ANKS1B: variants seen among roughly 807,000 people sequenced by gnomAD.
ANKS1B encodes ankyrin repeat and sterile alpha motif domain-containing protein 1B.
A neutral mutation model predicts 148.3 loss-of-function variants in ANKS1B; 36 were observed. That is an observed-to-expected ratio of 0.24 (90% CI 0.19 to 0.32). The LOEUF is 0.32. Among genes scored for constraint, ANKS1B ranks in the 10% least tolerant of loss-of-function variants. The probability of loss-of-function intolerance (pLI) is 1.00; values close to 1 mark genes in which losing one functional copy is unlikely to be tolerated. For synonymous variants in ANKS1B, 542 were observed against 560.8 expected (o/e 0.97, Z 0.47); for missense variants, 1,157 against 1,542.6 (o/e 0.75, Z 4.19).
At chr12:99,967,895 G>A (rs1603536372) in intron 1 of ANKS1B, among the ~76,000 whole-genome samples, 3 of 130,008 alleles carry the variant, frequency 2.3e-5, no homozygotes, top group East Asian at 2.2e-4. Flanking sequence ...CGACAAGGGC[G>A]AAACTCCGTC....
intron 1 of ANKS1B, among the ~76,000 whole-genome samples, chr12:99,955,680 C>G (rs1049471447): frequency 6.6e-6 from 1 of 151,986 alleles, no homozygotes; most frequent in African/African-American, 2.4e-5. Flanking sequence ...CAATAACTTG[C>G]AGGCTTGAGT....
intron 4 of ANKS1B, among the ~76,000 whole-genome samples, chr12:99,793,256 A>C (rs1384131497): frequency 2.6e-5 from 4 of 152,112 alleles, no homozygotes; most frequent in Non-Finnish European, 4.4e-5. Context: ...TAAAATGTCC[A>C]TACTAACCAA....
At position 99,930,421 on chromosome 12, in the gene ANKS1B, A is replaced by T. The variant is rs1362610700; in HGVS notation, c.134+53683T>A. Among the ~76,000 whole-genome samples, 4 of 152,290 alleles carry T rather than the reference A, an allele frequency of 2.6e-5. No individual in the cohort carries two copies. The East Asian group carries it at 7.7e-4, about 29-fold the overall frequency. ...GGGCTGAGACAATGGGGTTTTCTAG[A>T]TATACAATCATGTCATCTGCAAACA... is the stretch of plus-strand genomic sequence containing the variant. On this transcript the variant is annotated intron_variant, in intron 1 of 26. Coordinates refer to ENST00000683438, the MANE Select transcript of ANKS1B (RefSeq NM_001352186.2).
chr12:99,941,480 G>A (rs1279324156), intron 1 of ANKS1B, among the ~76,000 whole-genome samples: 3 of 151,760 alleles, frequency 2.0e-5, no homozygotes, highest in African/African-American at 4.8e-5. Context: ...AAAAAATAAC[G>A]ACAGGGATAT....
chr12:98,824,691 C>T (rs903502649), intron 19 of ANKS1B, among the ~76,000 whole-genome samples: 48 of 152,304 alleles, frequency 3.2e-4, no homozygotes, highest in South Asian at 1.7e-3. Flanking sequence ...ACAGCATCGA[C>T]TATTTGGAGA....
At chr12:99,555,215 T>C (rs141612269) in intron 9 of ANKS1B, among the ~76,000 whole-genome samples, 1 of 152,226 alleles carries the variant, frequency 6.6e-6, no homozygotes, top group East Asian at 1.9e-4. Context: ...CCATTTTAAG[T>C]TCTGGGAGAA....
At chr12:98,950,407 G>C (rs1237253668) in intron 17 of ANKS1B, among the ~76,000 whole-genome samples, 1 of 152,196 alleles carries the variant, frequency 6.6e-6, no homozygotes, top group East Asian at 1.9e-4. Context: ...TGAGGCAGGA[G>C]AATAACTTGA....
At chr12:99,936,251 T>A (rs189513982) in intron 1 of ANKS1B, among the ~76,000 whole-genome samples, 11 of 152,314 alleles carry the variant, frequency 7.2e-5, no homozygotes, top group African/African-American at 2.6e-4. Flanking sequence ...GCATAGCTGG[T>A]AACAGAAGAT....
chr12:99,917,750 T>C (rs952243533), intron 1 of ANKS1B, among the ~76,000 whole-genome samples: 4 of 152,332 alleles, frequency 2.6e-5, no homozygotes, highest in Middle Eastern at 3.4e-3. Context: ...TCCATCAAGC[T>C]GATGGCCAAA....
At position 99,186,311 on chromosome 12, in the gene ANKS1B, C is replaced by T. The variant is rs575107766; in HGVS notation, c.2420-31916G>A. On this transcript the variant is annotated intron_variant, in intron 14 of 26. Coordinates refer to ENST00000683438, the MANE Select transcript of ANKS1B (RefSeq NM_001352186.2). ...GAGGAAGGGGCAGCTGTGGGCACAGCTTCAGCAGACATAAATGTTCCTGCC... is the reference window on the plus strand; with the variant it reads ...GAGGAAGGGGCAGCTGTGGGCACAGTTTCAGCAGACATAAATGTTCCTGCC... Among the ~76,000 whole-genome samples the T allele has an allele frequency of 3.1e-4, 47 of 152,328 alleles. 2 individuals carry two copies. The South Asian group carries it at 9.5e-3, about 31-fold the overall frequency.
intron 8 of ANKS1B, among the ~76,000 whole-genome samples, chr12:99,715,193 G>A (rs1029219959): frequency 1.6e-4 from 24 of 152,056 alleles, no homozygotes; most frequent in Admixed American, 3.9e-4. Context: ...GTCAGGCCTC[G>A]AGCCCAAGCT....
chr12:99,455,727 G>A (rs1026579084), intron 10 of ANKS1B, among the ~76,000 whole-genome samples: 2 of 152,084 alleles, frequency 1.3e-5, no homozygotes, highest in Middle Eastern at 3.4e-3. Flanking sequence ...ATTGGCCTGG[G>A]AACTGCAACC....
chr12:99,967,687 T>C (rs926094185), intron 1 of ANKS1B, among the ~76,000 whole-genome samples: 1 of 151,842 alleles, frequency 6.6e-6, no homozygotes, highest in Non-Finnish European at 1.5e-5. Flanking sequence ...GGCGGGCGGA[T>C]CACAAGATCA....
intron 10 of ANKS1B, among the ~76,000 whole-genome samples, chr12:99,447,075 T>C (rs1326894311): frequency 6.6e-6 from 1 of 152,048 alleles, no homozygotes; most frequent in African/African-American, 2.4e-5. Flanking sequence ...CAAAATATAC[T>C]ACAAAGCTAT....
intron 17 of ANKS1B, chr12:98,894,683 G>A (rs2099760167): frequency 1.0e-6 from 1 of 985,660 alleles, no homozygotes. Context: ...GGCGGGCTCT[G>A]GCCCCCGAGG....
intron 19 of ANKS1B, among the ~76,000 whole-genome samples, chr12:98,817,441 A>G (rs1228977463): frequency 6.6e-6 from 1 of 152,234 alleles, no homozygotes; most frequent in Non-Finnish European, 1.5e-5. Flanking sequence ...GCATTAACTG[A>G]ACCCTGCCTG....
At chr12:98,877,575 A>G (rs553680285) in intron 17 of ANKS1B, among the ~76,000 whole-genome samples, 1 of 152,240 alleles carries the variant, frequency 6.6e-6, no homozygotes, top group African/African-American at 2.4e-5. Flanking sequence ...TGAACAAGAA[A>G]TATTATCTCT....
chr12:98,941,464 T>C (rs2099836509), intron 17 of ANKS1B, among the ~76,000 whole-genome samples: 1 of 152,240 alleles, frequency 6.6e-6, no homozygotes, highest in South Asian at 2.1e-4. Flanking sequence ...CTTGTTTGAC[T>C]TCGCCTGGGC....
chr12:99,613,885 A>G (rs1232489274), intron 9 of ANKS1B, among the ~76,000 whole-genome samples: 1 of 149,874 alleles, frequency 6.7e-6, no homozygotes, highest in African/African-American at 2.4e-5. Context: ...ATATGCATGG[A>G]AAAAAAAAAG....
Sources: allele counts gnomAD v4.1 joint callset (sites outside exome capture counted in the v4.1 genomes callset), GRCh38; gene constraint gnomAD v4.1.1; transcripts MANE v1.5; gene names NCBI Gene and HGNC (gene_info 2026-07-23, HGNC 2026-07-21).